LMX1A: variants seen among roughly 807,000 people sequenced by gnomAD.
The protein encoded by LMX1A is LIM homeobox transcription factor 1-alpha.
LMX1A carries 15 observed loss-of-function variants against 49.1 expected under a neutral mutation model. The observed-to-expected ratio is 0.31, with a 90% CI of 0.20 to 0.47. The LOEUF is 0.47. Among genes scored for constraint, LMX1A ranks in the 20% least tolerant of loss-of-function variants. The pLI is 1.00. For missense variants in LMX1A, 372 were observed against 475.8 expected, an observed-to-expected ratio of 0.78 and a Z score of 2.03; for synonymous variants, 167 against 185.7, an observed-to-expected ratio of 0.90 and a Z score of 0.82.
chr1:165,283,928 G>T (rs568513941), intron 3 of LMX1A, among the ~76,000 whole-genome samples: 2 of 152,280 alleles, frequency 1.3e-5, no homozygotes, highest in African/African-American at 4.8e-5. Context: ...TTGCTGGGAG[G>T]CAGAAGAAAG....
At chr1:165,213,389 G>A (rs1651505047) in intron 5 of LMX1A, 3 of 415,190 alleles carry the variant, frequency 7.2e-6, no homozygotes, top group African/African-American at 4.0e-5. Context: ...TGTGCTCTAT[G>A]AAATGAAAGG....
intron 3 of LMX1A, among the ~76,000 whole-genome samples, chr1:165,342,056 G>A (rs1206029320): frequency 6.6e-6 from 1 of 152,150 alleles, no homozygotes; most frequent in Non-Finnish European, 1.5e-5. Context: ...CTCCAAAATG[G>A]ACTAGAACTA....
intron 3 of LMX1A, among the ~76,000 whole-genome samples, chr1:165,296,212 G>C (rs1225896138): frequency 6.6e-6 from 1 of 152,244 alleles, no homozygotes; most frequent in Non-Finnish European, 1.5e-5. Context: ...CAAAGTGCAA[G>C]TCTCAGATAC....
chr1:165,306,348 T>C (rs1654920805), intron 3 of LMX1A, among the ~76,000 whole-genome samples: 1 of 152,076 alleles, frequency 6.6e-6, no homozygotes, highest in Non-Finnish European at 1.5e-5. Flanking sequence ...GGAATGTGAG[T>C]AAATGTGAGT....
At chr1:165,279,791 CAT>C (rs1654091220) in intron 3 of LMX1A, among the ~76,000 whole-genome samples, 1 of 152,134 alleles carries the variant, frequency 6.6e-6, no homozygotes, top group African/African-American at 2.4e-5. Context: ...CATCAATAAA[CAT>C]ATCAACTGCC....
chr1:165,216,086 G>A lies in LMX1A; in HGVS notation c.497-2273C>T, dbSNP rs2275815. ...AAAGCAAGAATCCTCATGACAAGGG[G>A]TGGCTACTCTGGCATTTTCAAGTCT... On this transcript the variant is annotated intron_variant, in intron 4 of 8. Transcript: ENST00000342310. The A allele has an allele frequency of 9.8e-5, 15 of 152,316 alleles. No homozygotes were observed. In the East Asian group the frequency reaches 2.9e-3, roughly 29 times the overall value. 9.4% of individuals were successfully genotyped at this position (152,316 alleles called of 1,614,324 possible). A position where few individuals can be genotyped will look rare whatever the true frequency, so the allele number is the denominator to read the frequency against.
At chr1:165,311,027 A>T (rs1002653181) in intron 3 of LMX1A, among the ~76,000 whole-genome samples, 5 of 152,158 alleles carry the variant, frequency 3.3e-5, no homozygotes, top group Admixed American at 6.5e-5. Flanking sequence ...CACTTCTTTA[A>T]GTTCTAATGT....
chr1:165,258,522 G>C (rs1231678787), intron 3 of LMX1A, among the ~76,000 whole-genome samples: 1 of 152,146 alleles, frequency 6.6e-6, no homozygotes, highest in Non-Finnish European at 1.5e-5. Context: ...GAAACAATAA[G>C]TGGCTGGCAG....
chr1:165,228,624 T>G (rs1413778975), intron 4 of LMX1A, among the ~76,000 whole-genome samples: 1 of 152,196 alleles, frequency 6.6e-6, no homozygotes, highest in Non-Finnish European at 1.5e-5. Flanking sequence ...CTAAGTTAGC[T>G]CAAATCATCT....
intron 3 of LMX1A, among the ~76,000 whole-genome samples, chr1:165,270,670 G>A (rs1039712565): frequency 1.3e-5 from 2 of 152,186 alleles, no homozygotes; most frequent in Admixed American, 6.5e-5. Context: ...GAGTGGGATG[G>A]AAGAGGGCCT....
chr1:165,345,439 G>A (rs984252026), intron 3 of LMX1A, among the ~76,000 whole-genome samples: 3 of 152,168 alleles, frequency 2.0e-5, no homozygotes, highest in African/African-American at 4.8e-5. Context: ...ACATCCTACC[G>A]ATTGCTAGCC....
intron 3 of LMX1A, among the ~76,000 whole-genome samples, chr1:165,271,567 A>G (rs1398149847): frequency 6.6e-6 from 1 of 152,194 alleles, no homozygotes; most frequent in African/African-American, 2.4e-5. Flanking sequence ...ATCGAAGTAC[A>G]TGGATCCTGC....
intron 3 of LMX1A, among the ~76,000 whole-genome samples, chr1:165,265,234 G>A (rs1037617002): frequency 5.9e-5 from 9 of 151,678 alleles, no homozygotes; most frequent in African/African-American, 9.7e-5. Context: ...AATGGAAAAG[G>A]AGCCCCAGGG....
chr1:165,230,804 T>G (rs1652213642), intron 4 of LMX1A, among the ~76,000 whole-genome samples: 1 of 152,140 alleles, frequency 6.6e-6, no homozygotes, highest in South Asian at 2.1e-4. Flanking sequence ...AGGATTCAAG[T>G]CTCTTGGCTC....
intron 3 of LMX1A, among the ~76,000 whole-genome samples, chr1:165,314,050 G>A (rs1320939134): frequency 1.3e-5 from 2 of 152,200 alleles, no homozygotes; most frequent in African/African-American, 2.4e-5. Context: ...ACAGCTATGG[G>A]AAGGAGTGTT....
At chr1:165,332,853 G>A (rs1655787326) in intron 3 of LMX1A, among the ~76,000 whole-genome samples, 1 of 152,156 alleles carries the variant, frequency 6.6e-6, no homozygotes, top group Non-Finnish European at 1.5e-5. Flanking sequence ...CATGGAAAGG[G>A]TTGGCATAAC....
chr1:165,205,108 C>T (rs1651020424), intron 8 of LMX1A, among the ~76,000 whole-genome samples: 1 of 152,120 alleles, frequency 6.6e-6, no homozygotes, highest in South Asian at 2.1e-4. Context: ...TATTTTTTAA[C>T]TATCAGTGTA....
chr1:165,352,354 C>A (rs971429033), intron 3 of LMX1A, among the ~76,000 whole-genome samples: 6 of 152,192 alleles, frequency 3.9e-5, no homozygotes, highest in Non-Finnish European at 8.8e-5. Flanking sequence ...GAAGAGCGTA[C>A]CCACACCTGA....
intron 3 of LMX1A, among the ~76,000 whole-genome samples, chr1:165,284,491 G>C (rs1345300762): frequency 6.6e-6 from 1 of 152,186 alleles, no homozygotes; most frequent in African/African-American, 2.4e-5. Context: ...AATATTAAGA[G>C]TGAATGAGCA....
Sources: allele counts gnomAD v4.1 joint callset (sites outside exome capture counted in the v4.1 genomes callset), GRCh38; gene constraint gnomAD v4.1.1; transcripts MANE v1.5; gene names NCBI Gene and HGNC (gene_info 2026-07-23, HGNC 2026-07-21).